The following MACROH2A2 variants were observed in gnomAD, a reference collection of about 807,000 sequenced individuals.
MACROH2A2 encodes the protein core histone macro-H2A.2.
MACROH2A2 carries 6 observed loss-of-function variants against 37.6 expected under a neutral mutation model. That is an observed-to-expected ratio of 0.16 (90% CI 0.09 to 0.32). MACROH2A2 has a LOEUF of 0.32. MACROH2A2 is among the 10% of genes least tolerant of loss of function. The pLI, the probability that MACROH2A2 is intolerant of heterozygous loss-of-function variation, is 1.00. For missense variants in MACROH2A2, 290 were observed against 485.9 expected, an observed-to-expected ratio of 0.60 and a Z score of 3.79; for synonymous variants, 192 against 202.7, an observed-to-expected ratio of 0.95 and a Z score of 0.45.
chr10:70,076,995 GCCTT>G (rs10565648), intron 2 of MACROH2A2, among the ~76,000 whole-genome samples: 46,062 of 151,464 alleles, frequency 0.3, 7,228 homozygotes, highest in African/African-American at 0.37. Flanking sequence ...TGCATCATGA[GCCTT>G]CCTTCCTCTT....
chr10:70,083,177 C>T (rs1393160620), intron 2 of MACROH2A2, among the ~76,000 whole-genome samples: 1 of 152,118 alleles, frequency 6.6e-6, no homozygotes, highest in Non-Finnish European at 1.5e-5. Flanking sequence ...GCCTTGGTCC[C>T]AGGTGGGGAG....
rs1589841823 is a variant in MACROH2A2 at position 70,107,107 on chromosome 10, C to T, written c.779-1926C>T. Among the ~76,000 whole-genome samples the T allele has an allele frequency of 6.6e-6, 1 of 152,136 alleles. No individual in the cohort carries two copies. Among genetic ancestry groups the T allele is most frequent in the East Asian group, 1.9e-4 (1 of 5,184 alleles). ...CGTAGAGTCAGCACGCATGGCGGGCCCCTACCCAGGGCCTCGGTGTATTGT... is the reference window on the plus strand; with the variant it reads ...CGTAGAGTCAGCACGCATGGCGGGCTCCTACCCAGGGCCTCGGTGTATTGT... On this transcript the variant is annotated intron_variant, in intron 7 of 8. Transcript: ENST00000373255. The surrounding 1 kb of genome is among the most constrained non-coding windows in gnomAD (Gnocchi z 4.4).
Position 70,085,783 on chromosome 10 carries a change from C to T in MACROH2A2, c.173-4277C>T, listed in dbSNP as rs556805484. Among the ~76,000 whole-genome samples the T allele has an allele frequency of 1.5e-4, 23 of 152,280 alleles. No homozygotes were observed. The South Asian group carries it at 4.6e-3, about 30-fold the overall frequency. On this transcript the variant is annotated intron_variant, in intron 2 of 8. Coordinates refer to ENST00000373255, the MANE Select transcript of MACROH2A2 (RefSeq NM_018649.3). ...CACCACTTAACAGAATTATGATCTTCCCACAACATTTGCAGTAGAGTAAAT... is the reference window on the plus strand; with the variant it reads ...CACCACTTAACAGAATTATGATCTTTCCACAACATTTGCAGTAGAGTAAAT...
chr10:70,102,359 A>T (rs913483801), intron 7 of MACROH2A2, among the ~76,000 whole-genome samples: 5 of 152,080 alleles, frequency 3.3e-5, no homozygotes, highest in Non-Finnish European at 5.9e-5. Context: ...TCTGGATCTG[A>T]CCCTACATGG....
In MACROH2A2 at chr10:70,102,224, G is replaced by A. The variant is rs188152742; in HGVS notation, c.778+1927G>A. Among the ~76,000 whole-genome samples, 1,123 of 152,326 alleles carry A rather than the reference G, an allele frequency of 7.4e-3. 14 individuals carry two copies. Among genetic ancestry groups the A allele is most frequent in the African/African-American group, 0.025 (1,057 of 41,574 alleles). On this transcript the variant is annotated intron_variant, in intron 7 of 8. Transcript: ENST00000373255. The stretch of plus-strand genomic sequence containing the variant: ...AGACCCCTTGGGGGTGGGACACAGA[G>A]GGCAATAGGAGCACTGCATGCAAGA...
At chr10:70,074,358 G>A (rs1426247259) in intron 1 of MACROH2A2, among the ~76,000 whole-genome samples, 3 of 152,174 alleles carry the variant, frequency 2.0e-5, no homozygotes, top group Admixed American at 1.3e-4. Context: ...AGGAACAGAC[G>A]CTCAGGCTGC....
At position 70,111,655 on chromosome 10, in the gene MACROH2A2, A is replaced by G. The variant is rs370177892; in HGVS notation, c.1091A>G (p.Gln364Arg). The G allele has an allele frequency of 5.0e-6, 8 of 1,611,388 alleles. No homozygotes were observed. Among genetic ancestry groups the G allele is most frequent in the African/African-American group, 1.3e-5 (1 of 74,868 alleles). ...FDSESIGIYV[Q>R]EMAKLDAK ...AGCGAGAGCATCGGCATCTACGTGC[A>G]GGAGATGGCCAAGCTCGACGCCAAG... The change falls in exon 9 of 9, where the codon CAG becomes CGG. Residue 364 changes from glutamine to arginine, a missense_variant. Gln to Arg is a conservative substitution (Grantham distance 43, BLOSUM62 1). Coordinates refer to ENST00000373255, the MANE Select transcript of MACROH2A2 (RefSeq NM_018649.3).
chr10:70,083,821 C>T (rs960794835), intron 2 of MACROH2A2, among the ~76,000 whole-genome samples: 5 of 149,512 alleles, frequency 3.3e-5, no homozygotes, highest in Admixed American at 6.8e-5. Flanking sequence ...CCTCCCAGAA[C>T]GGTTATCACG....
intron 1 of MACROH2A2, among the ~76,000 whole-genome samples, chr10:70,065,068 G>A (rs12782577): frequency 0.073 from 10,173 of 139,014 alleles, 537 homozygotes; most frequent in East Asian, 0.26. Flanking sequence ...TCACTTTCTC[G>A]CCCAGGCTGG....
At chr10:70,110,117 C>T (rs925765483) in intron 8 of MACROH2A2, among the ~76,000 whole-genome samples, 5 of 152,282 alleles carry the variant, frequency 3.3e-5, no homozygotes, top group South Asian at 2.1e-4. Context: ...ATTCTTTCGT[C>T]GGTGGAACCA....
intron 2 of MACROH2A2, among the ~76,000 whole-genome samples, chr10:70,080,301 G>A (rs1350890451): frequency 6.6e-6 from 1 of 151,210 alleles, no homozygotes; most frequent in Non-Finnish European, 1.5e-5. Flanking sequence ...AAAGAGTCTT[G>A]CCGAGAGGAA....
At chr10:70,065,685 A>C (rs1304190581) in intron 1 of MACROH2A2, among the ~76,000 whole-genome samples, 2 of 152,132 alleles carry the variant, frequency 1.3e-5, no homozygotes, top group African/African-American at 2.4e-5. Flanking sequence ...TAGAAGAAAA[A>C]AGATAAGAGA....
intron 2 of MACROH2A2, among the ~76,000 whole-genome samples, chr10:70,085,926 T>G (rs1589836261): frequency 6.6e-6 from 1 of 152,246 alleles, no homozygotes; most frequent in African/African-American, 2.4e-5. Context: ...TTATAGTTCA[T>G]GGGACTATAT....
chr10:70,071,558 C>G (rs929364140), intron 1 of MACROH2A2, among the ~76,000 whole-genome samples: 1 of 152,204 alleles, frequency 6.6e-6, no homozygotes, highest in Non-Finnish European at 1.5e-5. Flanking sequence ...TCATGCATCA[C>G]TTAACGAAAG....
chr10:70,096,107 A>G (rs1467451396), intron 6 of MACROH2A2, among the ~76,000 whole-genome samples: 1 of 152,118 alleles, frequency 6.6e-6, no homozygotes, highest in Non-Finnish European at 1.5e-5. Context: ...TATTTCCTCC[A>G]AGGGTAACCA....
At chr10:70,086,036 A>T (rs1290850752) in intron 2 of MACROH2A2, among the ~76,000 whole-genome samples, 3 of 151,424 alleles carry the variant, frequency 2.0e-5, no homozygotes, top group Non-Finnish European at 4.4e-5. Flanking sequence ...CTCCTCTGTC[A>T]CCCAGGCTGG....
At chr10:70,079,413 G>A (rs2072160074) in intron 2 of MACROH2A2, among the ~76,000 whole-genome samples, 1 of 152,088 alleles carries the variant, frequency 6.6e-6, no homozygotes, top group South Asian at 2.1e-4. Context: ...TAAGGGAGAA[G>A]ACTCCAAGTT....
intron 1 of MACROH2A2, among the ~76,000 whole-genome samples, chr10:70,064,621 C>T (rs530352157): frequency 6.6e-6 from 1 of 152,242 alleles, no homozygotes; most frequent in East Asian, 1.9e-4. Flanking sequence ...GCTGGACTTT[C>T]CTGTGCTATT....
In MACROH2A2 at chr10:70,111,707, C is replaced by G. The variant is rs752989801; in HGVS notation, c.*24C>G. ...AGCCGCCGCACTTTCCAGCAGGGAT[C>G]GGAGGACGACCCGAGTCCCAAGAGT... is the stretch of plus-strand genomic sequence containing the variant. On this transcript the variant is annotated 3_prime_UTR_variant, in exon 9 of 9. Coordinates refer to ENST00000373255, the MANE Select transcript of MACROH2A2 (RefSeq NM_018649.3). The G allele has an allele frequency of 2.6e-6, 4 of 1,562,024 alleles. No individual in the cohort carries two copies. Among genetic ancestry groups the G allele is most frequent in the Middle Eastern group, 2.1e-4 (1 of 4,804 alleles).
Sources: gnomAD v4.1 joint callset for allele counts (sites outside exome capture counted in the v4.1 genomes callset) on GRCh38, gnomAD v4.1.1 for gene constraint, Gnocchi (gnomAD v3.1) non-coding constraint, MANE v1.5 for transcripts, NCBI Gene and HGNC (gene_info 2026-07-23, HGNC 2026-07-21) for gene names.